The following SRBD1 variants were observed in gnomAD, a reference collection of about 807,000 sequenced individuals.
SRBD1 encodes the protein S1 RNA binding domain 1.
SRBD1 carries 88 observed loss-of-function variants against 115.3 expected under a neutral mutation model. That is an observed-to-expected ratio of 0.76 (90% CI 0.64 to 0.91). The LOEUF (loss-of-function observed/expected upper bound fraction) is 0.91, where lower values mean the gene tolerates loss of function less well. SRBD1 is among the 40% of genes least tolerant of loss of function. SRBD1 has a pLI of 0.00. For missense variants in SRBD1, 1,385 were observed against 1,177.4 expected, an observed-to-expected ratio of 1.18 and a Z score of -2.58; for synonymous variants, 509 against 407.7, an observed-to-expected ratio of 1.25 and a Z score of -2.99.
intron 14 of SRBD1, among the ~76,000 whole-genome samples, chr2:45,501,859 G>A (rs999831595): frequency 4.6e-5 from 7 of 152,172 alleles, no homozygotes; most frequent in African/African-American, 1.7e-4. Flanking sequence ...CTCCACCTCT[G>A]GGGGCAGGGC....
chr2:45,502,440 AT>A (rs1670662603), intron 14 of SRBD1, among the ~76,000 whole-genome samples: 1 of 152,224 alleles, frequency 6.6e-6, no homozygotes, highest in Non-Finnish European at 1.5e-5. Flanking sequence ...CCAAATGTCC[AT>A]CAATGATAGA....
intron 14 of SRBD1, among the ~76,000 whole-genome samples, chr2:45,507,919 G>A (rs1326131204): frequency 2.0e-5 from 3 of 151,702 alleles, no homozygotes; most frequent in East Asian, 3.9e-4. Flanking sequence ...TTCATAAGTG[G>A]CAGAAAAAAA....
At chr2:45,564,743 T>G (rs529184979) in intron 9 of SRBD1, among the ~76,000 whole-genome samples, 27 of 152,328 alleles carry the variant, frequency 1.8e-4, no homozygotes, top group Non-Finnish European at 2.9e-5. Context: ...CTGCATGTGT[T>G]GACTTACACG....
At chr2:45,485,374 T>C (rs1158303512) in intron 15 of SRBD1, among the ~76,000 whole-genome samples, 3 of 152,206 alleles carry the variant, frequency 2.0e-5, no homozygotes, top group African/African-American at 2.4e-5. Flanking sequence ...TTGTTGTTGC[T>C]ATCTCCTTTC....
At position 45,599,585 on chromosome 2, in the gene SRBD1, T is replaced by C. The variant is rs776656438; in HGVS notation, c.512A>G (p.Asp171Gly). Residue 171 changes from aspartate (D) to glycine (G), a missense_variant, in exon 4 of 21, where the codon GAC (aspartate) becomes GGC (glycine). Asp to Gly is a moderately conservative substitution (Grantham distance 94). Transcript: ENST00000263736. ...WGGTCKKEENDDDFTFGQSAL... is the reference protein window; with the variant it reads ...WGGTCKKEENGDDFTFGQSAL... ...GGACTGACCAAATGTAAAGTCATCG[T>C]CATTCTCTTCCTTCTTGCATGTACC... is the stretch of plus-strand genomic sequence containing the variant. The C allele has an allele frequency of 6.2e-7, 1 of 1,614,220 alleles. No individual in the cohort carries two copies. Among genetic ancestry groups the C allele is most frequent in the African/African-American group, 1.3e-5 (1 of 75,056 alleles).
chr2:45,462,333 GACTTAAAAAC>G (rs1451375546), intron 16 of SRBD1, among the ~76,000 whole-genome samples: 1 of 152,128 alleles, frequency 6.6e-6, no homozygotes, highest in Non-Finnish European at 1.5e-5. Context: ...ACACCTCTGA[GACTTAAAAAC>G]ACTCACTTGC....
chr2:45,389,873 T>C (rs1666950636), intron 20 of SRBD1, among the ~76,000 whole-genome samples: 2 of 152,198 alleles, frequency 1.3e-5, no homozygotes, highest in African/African-American at 4.8e-5. Context: ...AAGACAGTCT[T>C]ATTTTCCTCT....
intron 10 of SRBD1, among the ~76,000 whole-genome samples, chr2:45,558,949 C>T (rs1297495014): frequency 6.6e-6 from 1 of 152,156 alleles, no homozygotes; most frequent in Non-Finnish European, 1.5e-5. Flanking sequence ...ATCCTCTCAC[C>T]TTGGTCTCCC....
chr2:45,491,292 A>G (rs1670284839), intron 14 of SRBD1, among the ~76,000 whole-genome samples: 1 of 152,206 alleles, frequency 6.6e-6, no homozygotes, highest in Non-Finnish European at 1.5e-5. Context: ...AACTTTATAT[A>G]AAATTCATAT....
intron 11 of SRBD1, among the ~76,000 whole-genome samples, chr2:45,553,011 G>T (rs146936447): frequency 6.6e-6 from 1 of 152,310 alleles, no homozygotes; most frequent in African/African-American, 2.4e-5. Flanking sequence ...TGGAAGGAAT[G>T]AATTAGGGAA....
chr2:45,502,176 C>A (rs989185418), intron 14 of SRBD1, among the ~76,000 whole-genome samples: 1 of 152,310 alleles, frequency 6.6e-6, no homozygotes, highest in East Asian at 1.9e-4. Context: ...CCCAGGCAAA[C>A]AGGGTCTGGA....
In SRBD1 at chr2:45,547,545, T is replaced by C. The variant is rs755641347; in HGVS notation, c.1743A>G (p.Ile581Met). The C allele has an allele frequency of 1.9e-6, 3 of 1,613,846 alleles. No homozygotes were observed. The East Asian group carries it at 6.7e-5, about 36-fold the overall frequency. ...CGQGFREAEKIKTLLLNFNCS... is the reference protein window; with the variant it reads ...CGQGFREAEKMKTLLLNFNCS... ...ACTTGAAATTCAGCAAAAGTGTCTTTATTTTCTCCGCCTCTCGGAAGCCTT... is the reference window on the plus strand; with the variant it reads ...ACTTGAAATTCAGCAAAAGTGTCTTCATTTTCTCCGCCTCTCGGAAGCCTT... The change falls in exon 13 of 21, where the codon ATA becomes ATG. Residue 581 changes from isoleucine to methionine, a missense_variant. By Grantham distance (10) the Ile-to-Met change is conservative. Transcript: ENST00000263736.
chr2:45,423,316 T>A (rs554071302), intron 16 of SRBD1, among the ~76,000 whole-genome samples: 3 of 152,196 alleles, frequency 2.0e-5, no homozygotes, highest in Non-Finnish European at 4.4e-5. Context: ...AGGTTAGATA[T>A]GCAAGGCAAG....
intron 4 of SRBD1, among the ~76,000 whole-genome samples, chr2:45,590,942 G>A (rs190619264): frequency 2.7e-3 from 414 of 152,062 alleles, no homozygotes; most frequent in South Asian, 4.8e-3. Flanking sequence ...ACTTGAACCC[G>A]GGAGGCAGAG....
chr2:45,608,751 C>G (rs570450178), intron 1 of SRBD1, among the ~76,000 whole-genome samples: 1 of 152,212 alleles, frequency 6.6e-6, no homozygotes, highest in East Asian at 1.9e-4. Flanking sequence ...AAAACCTGTT[C>G]CTATTCCAGT....
At chr2:45,485,920 G>A (rs1168748101) in intron 15 of SRBD1, among the ~76,000 whole-genome samples, 1 of 152,122 alleles carries the variant, frequency 6.6e-6, no homozygotes, top group Admixed American at 6.6e-5. Flanking sequence ...TTGACTCCAG[G>A]ACCAGATTTT....
chr2:45,417,667 C>A (rs1000233783), intron 18 of SRBD1, among the ~76,000 whole-genome samples: 1 of 152,168 alleles, frequency 6.6e-6, no homozygotes, highest in African/African-American at 2.4e-5. Context: ...ATCTAACAAG[C>A]TTTTGTGCTT....
At chr2:45,521,710 A>G in intron 14 of SRBD1, among the ~76,000 whole-genome samples, 1 of 152,108 alleles carries the variant, frequency 6.6e-6, no homozygotes, top group South Asian at 2.1e-4. Context: ...GCAGGAATTC[A>G]AATCCCAGCA....
intron 4 of SRBD1, among the ~76,000 whole-genome samples, chr2:45,591,457 G>A (rs1673721534): frequency 6.6e-6 from 1 of 152,152 alleles, no homozygotes; most frequent in East Asian, 1.9e-4. Flanking sequence ...CCACACAGCT[G>A]GGTCTGTGTG....
Sources: gnomAD v4.1 joint callset for allele counts (sites outside exome capture counted in the v4.1 genomes callset) on GRCh38, gnomAD v4.1.1 for gene constraint, MANE v1.5 for transcripts, NCBI Gene and HGNC (gene_info 2026-07-23, HGNC 2026-07-21) for gene names.